RIMS2: variants seen among roughly 807,000 people sequenced by gnomAD.
RIMS2 encodes regulating synaptic membrane exocytosis 2, also known as regulating synaptic membrane exocytosis protein 2.
A neutral mutation model predicts 174.4 loss-of-function variants in RIMS2; 59 were observed. That is an observed-to-expected ratio of 0.34 (90% CI 0.27 to 0.42). The LOEUF is 0.42. Among genes scored for constraint, RIMS2 ranks in the 10% least tolerant of loss-of-function variants. The pLI, the probability that RIMS2 is intolerant of heterozygous loss-of-function variation, is 1.00. For missense variants in RIMS2, 1,620 were observed against 1,666.3 expected, an observed-to-expected ratio of 0.97 and a Z score of 0.48; for synonymous variants, 606 against 572.5, an observed-to-expected ratio of 1.06 and a Z score of -0.84.
chr8:103,707,682 G>T (rs556745886), intron 2 of RIMS2, among the ~76,000 whole-genome samples: 2 of 152,146 alleles, frequency 1.3e-5, no homozygotes, highest in Non-Finnish European at 2.9e-5. Context: ...CATAGCAAGT[G>T]GCACCATGCT....
chr8:104,072,054 C>G (rs948441734), intron 19 of RIMS2, among the ~76,000 whole-genome samples: 2 of 152,156 alleles, frequency 1.3e-5, no homozygotes, highest in African/African-American at 4.8e-5. Flanking sequence ...AATCAAGTCT[C>G]TTAAGTACAA....
At chr8:104,056,973 T>A (rs137868854) in intron 19 of RIMS2, among the ~76,000 whole-genome samples, 7 of 152,094 alleles carry the variant, frequency 4.6e-5, no homozygotes, top group African/African-American at 1.7e-4. Context: ...TCCCGTCAAC[T>A]CTGTGGTGGT....
At chr8:104,056,403 T>TAA (rs34404639) in intron 19 of RIMS2, among the ~76,000 whole-genome samples, 5,378 of 144,906 alleles carry the variant, frequency 0.037, 344 homozygotes, top group African/African-American at 0.13. Flanking sequence ...GACTCCATCT[T>TAA]AAAAAAAAAA....
chr8:103,918,438 C>A lies in RIMS2; in HGVS notation c.2037-3C>A. ...TCTTTCTTTTTTTTTTTAATCATTT[C>A]AGAGATATACCGCGAATACCTGATA... On this transcript the variant is annotated splice_polypyrimidine_tract_variant and splice_region_variant and intron_variant, in intron 8 of 23. Transcript: ENST00000504942. 6.5e-7 allele frequency: 1 copy of A among 1,534,506 alleles called. No homozygotes were observed. Among genetic ancestry groups the A allele is most frequent in the Non-Finnish European group, 8.8e-7 (1 of 1,134,610 alleles).
chr8:103,803,675 C>T lies in RIMS2; in HGVS notation c.698+37138C>T, dbSNP rs568683633. Among the ~76,000 whole-genome samples, 3 of 152,238 alleles carry T rather than the reference C, an allele frequency of 2.0e-5. No individual in the cohort carries two copies. The South Asian group carries it at 6.2e-4, about 32-fold the overall frequency. On this transcript the variant is annotated intron_variant, in intron 3 of 23. Transcript: ENST00000504942. ...GGGATAGTCAGTTATATAGTTATAT[C>T]ACATTGTATGAGATTATGTCTTCAA...
chr8:104,099,277 T>G (rs1041217850), intron 19 of RIMS2, among the ~76,000 whole-genome samples: 1 of 152,178 alleles, frequency 6.6e-6, no homozygotes, highest in Non-Finnish European at 1.5e-5. Flanking sequence ...TTTAATTTTC[T>G]GGAAGTGTGT....
rs190131292 is a variant in RIMS2, at chr8:103,729,814, C to T, written c.387+32518C>T. On this transcript the variant is annotated intron_variant, in intron 2 of 23. Transcript: ENST00000504942. ...TTTGTTCATTGGCCTACAAGTCACT[C>T]AGGAGCATTATTTAATTTCCATGTG... is the stretch of plus-strand genomic sequence containing the variant. Among the ~76,000 whole-genome samples, 6 of 152,248 alleles carry T rather than the reference C, an allele frequency of 3.9e-5. No individual in the cohort carries two copies. The East Asian group carries it at 1.2e-3, about 29-fold the overall frequency.
At chr8:104,059,874 A>G (rs2096946365) in intron 19 of RIMS2, among the ~76,000 whole-genome samples, 1 of 152,164 alleles carries the variant, frequency 6.6e-6, no homozygotes, top group South Asian at 2.1e-4. Context: ...GATTACATTT[A>G]TTGATTTGCG....
intron 1 of RIMS2, among the ~76,000 whole-genome samples, chr8:103,535,120 G>A (rs548193352): frequency 6.6e-6 from 1 of 152,230 alleles, no homozygotes; most frequent in South Asian, 2.1e-4. Context: ...CTTATATATG[G>A]TTAATTTCAA....
In RIMS2 at chr8:103,886,160, T is replaced by C. The variant is rs866392810; in HGVS notation, c.1561T>C (p.Ser521Pro). 7.4e-6 allele frequency: 12 copies of C among 1,612,606 alleles called. No individual in the cohort carries two copies. In the Admixed American group the frequency reaches 1.8e-4, roughly 25 times the overall value. The change falls in exon 4 of 24, where the codon TCC becomes CCC. Residue 521 changes from serine (S) to proline (P), a missense_variant. Coordinates refer to ENST00000504942, the Ensembl canonical transcript of RIMS2. ...GAGCAGTTCAGAGGAGGAATTGGCT[T>C]CCACGCCTGAATATACAAGTTGTGA... is the stretch of plus-strand genomic sequence containing the variant.
intron 1 of RIMS2, among the ~76,000 whole-genome samples, chr8:103,636,623 G>T (rs1001168578): frequency 1.3e-5 from 2 of 152,112 alleles, no homozygotes; most frequent in African/African-American, 4.8e-5. Context: ...TTTGGGTCAG[G>T]TTGTTTTCCT....
intron 3 of RIMS2, among the ~76,000 whole-genome samples, chr8:103,801,674 T>G (rs927570746): frequency 1.3e-5 from 2 of 152,234 alleles, no homozygotes; most frequent in African/African-American, 4.8e-5. Context: ...ATCTGAGATA[T>G]TCAATCATTG....
At chr8:103,530,957 C>G (rs907461295) in intron 1 of RIMS2, among the ~76,000 whole-genome samples, 3 of 151,500 alleles carry the variant, frequency 2.0e-5, no homozygotes, top group African/African-American at 7.3e-5. Flanking sequence ...ACCTTTCTGT[C>G]TGTATGTTAT....
chr8:103,793,657 G>T (rs1475718017), intron 3 of RIMS2, among the ~76,000 whole-genome samples: 2 of 152,148 alleles, frequency 1.3e-5, no homozygotes, highest in Non-Finnish European at 2.9e-5. Context: ...GTTTGCAGAT[G>T]ACATGATTGT....
chr8:104,118,377 T>G (rs1228069474), intron 19 of RIMS2, among the ~76,000 whole-genome samples: 3 of 148,024 alleles, frequency 2.0e-5, no homozygotes, highest in Non-Finnish European at 3.0e-5. Context: ...TTTGTTTTTT[T>G]TTTTTTTGAG....
intron 19 of RIMS2, among the ~76,000 whole-genome samples, chr8:104,033,913 G>A (rs2096455143): frequency 6.6e-6 from 1 of 152,096 alleles, no homozygotes; most frequent in Non-Finnish European, 1.5e-5. Flanking sequence ...ATGCTTTACA[G>A]AAGACATGTT....
rs141268907 is a variant in RIMS2, at chr8:103,771,783, T to C, written c.698+5246T>C. Reference sequence around the variant, plus strand: ...ACTATTTTTTTCCTCCCATAACTGGTAGTTGTATGACAAATTAATGCAGGA... The same window carrying C: ...ACTATTTTTTTCCTCCCATAACTGGCAGTTGTATGACAAATTAATGCAGGA... On this transcript the variant is annotated intron_variant, in intron 3 of 23. Transcript: ENST00000504942. Among the ~76,000 whole-genome samples, 933 of 152,256 alleles carry C rather than the reference T, an allele frequency of 6.1e-3. 12 individuals are homozygous for C. The highest frequency in any genetic ancestry group is 0.021 in the African/African-American group (883 of 41,566).
At chr8:103,734,317 CTTTTTTT>C (rs752360759) in intron 2 of RIMS2, among the ~76,000 whole-genome samples, 15 of 121,712 alleles carry the variant, frequency 1.2e-4, no homozygotes, top group Admixed American at 6.8e-4. Flanking sequence ...GGCCTAAAAG[CTTTTTTT>C]TTTTTTTTTT....
intron 14 of RIMS2, among the ~76,000 whole-genome samples, chr8:103,952,539 C>A (rs539444673): frequency 6.6e-6 from 1 of 152,094 alleles, no homozygotes; most frequent in African/African-American, 2.4e-5. Context: ...GGAAGGAAAC[C>A]GACAAACAGA....
Sources: gnomAD v4.1 joint callset for allele counts (sites outside exome capture counted in the v4.1 genomes callset) on GRCh38, gnomAD v4.1.1 for gene constraint, MANE v1.5 for transcripts, NCBI Gene and HGNC (gene_info 2026-07-23, HGNC 2026-07-21) for gene names.